SLFN5: variants seen among roughly 807,000 people sequenced by gnomAD.
The protein encoded by SLFN5 is schlafen family member 5.
In SLFN5, 34 loss-of-function variants were observed where a neutral mutation model predicts 48.5. The observed-to-expected ratio is 0.70, with a 90% CI of 0.53 to 0.93. SLFN5 has a LOEUF of 0.93. SLFN5 is among the 40% of genes least tolerant of loss of function. The pLI, the probability that SLFN5 is intolerant of heterozygous loss-of-function variation, is 0.00. For synonymous variants in SLFN5, 387 were observed against 396.2 expected, an observed-to-expected ratio of 0.98 and a Z score of 0.28; for missense variants, 1,006 against 1,071.3, an observed-to-expected ratio of 0.94 and a Z score of 0.85.
chr17:35,270,348 T>G lies in SLFN5; in HGVS notation c.*4460T>G, dbSNP rs747949955. The G allele has an allele frequency of 2.0e-5, 3 of 152,194 alleles. No individual in the cohort carries two copies. Among genetic ancestry groups the G allele is most frequent in the Non-Finnish European group, 2.9e-5 (2 of 68,032 alleles). 9.4% of individuals were successfully genotyped at this position (152,194 alleles called of 1,614,324 possible). On this transcript the variant is annotated 3_prime_UTR_variant, in exon 5 of 5. Coordinates refer to ENST00000299977, the MANE Select transcript of SLFN5 (RefSeq NM_144975.4). ...ATCGCCCTCTACTAAAACAAACTCATAGAAATAATGGGGAAGATATTTCAA... is the reference window on the plus strand; with the variant it reads ...ATCGCCCTCTACTAAAACAAACTCAGAGAAATAATGGGGAAGATATTTCAA...
At position 35,266,177 on chromosome 17, in the gene SLFN5, T is replaced by TGTGTGTGCGCGCGC. The variant is rs35160124; in HGVS notation, c.*290_*291insTGTGTGCGCGCGCG. ...GTGTGTGTGTGTGTGTGTGTGTGTG[T>TGTGTGTGCGCGCGC]GCGCGCGCGCACGTGCACATGTGTG... On this transcript the variant is annotated 3_prime_UTR_variant, in exon 5 of 5. Transcript: ENST00000299977. The TGTGTGTGCGCGCGC allele has an allele frequency of 3.2e-3, 552 of 173,372 alleles. 4 individuals are homozygous for TGTGTGTGCGCGCGC. Among genetic ancestry groups the TGTGTGTGCGCGCGC allele is most frequent in the African/African-American group, 0.012 (454 of 38,494 alleles). The allele number at this position is 173,372 out of a possible 1,614,324, so 10.7% of individuals were successfully genotyped here. A position where few individuals can be genotyped will look rare whatever the true frequency, so the allele number is the denominator to read the frequency against.
intron 3 of SLFN5, among the ~76,000 whole-genome samples, chr17:35,262,407 GA>G (rs1555591919): frequency 6.7e-6 from 1 of 148,440 alleles, no homozygotes; most frequent in East Asian, 2.0e-4. Flanking sequence ...AAAAGGAAAA[GA>G]AAAAAAAATT....
Position 35,273,034 on chromosome 17 carries a change from A to G in SLFN5, c.*7146A>G, listed in dbSNP as rs1490900936. ...GATTGAATTTCACTTTATTCCTAAG[A>G]GCAGAAGACTGCAAAATAGTAAATA... On this transcript the variant is annotated 3_prime_UTR_variant, in exon 5 of 5. Coordinates refer to ENST00000299977, the MANE Select transcript of SLFN5 (RefSeq NM_144975.4). 1 of 152,230 alleles carries G rather than the reference A, an allele frequency of 6.6e-6. No homozygotes were observed. The highest frequency in any genetic ancestry group is 2.4e-5 in the African/African-American group (1 of 41,462). 9.4% of individuals were successfully genotyped at this position (152,230 alleles called of 1,614,324 possible).
chr17:35,257,497 T>G (rs1399083067), intron 1 of SLFN5, among the ~76,000 whole-genome samples: 1 of 152,136 alleles, frequency 6.6e-6, no homozygotes, highest in Non-Finnish European at 1.5e-5. Flanking sequence ...TGTGTACTCA[T>G]GATTTATTAT....
At position 35,266,931 on chromosome 17, in the gene SLFN5, A is replaced by T. The variant is rs1355955212; in HGVS notation, c.*1043A>T. 1 of 152,232 alleles carries T rather than the reference A, an allele frequency of 6.6e-6. No homozygotes were observed. The highest frequency in any genetic ancestry group is 1.5e-5 in the Non-Finnish European group (1 of 68,040). 9.4% of individuals were successfully genotyped at this position (152,232 alleles called of 1,614,324 possible). On this transcript the variant is annotated 3_prime_UTR_variant, in exon 5 of 5. Transcript: ENST00000299977. ...AATCCATCTTTTCTGAGAGACAGAA[A>T]CTAAAAAATTCAGAGTTAATTCACT... is the stretch of plus-strand genomic sequence containing the variant.
At position 35,258,916 on chromosome 17, in the gene SLFN5, T is replaced by C. The variant is rs758624461; in HGVS notation, c.226T>C (p.Leu76=). The part of the protein sequence containing the change: ...GYNYERHGVG[L]DVPPIFRSHL... ...CAATTATGAACGTCATGGAGTAGGA[T>C]TGGATGTGCCTCCAATTTTCAGAAG... The change falls in exon 2 of 5, where the codon TTG becomes CTG. Residue 76 remains leucine (L), a synonymous_variant. Transcript: ENST00000299977. 1.7e-5 allele frequency: 28 copies of C among 1,614,052 alleles called. No individual in the cohort carries two copies. The Admixed American group carries it at 2.2e-4, about 12-fold the overall frequency.
rs1904436336 is a variant in SLFN5, at chr17:35,259,047, CAG to C, written c.365_366del (p.Arg122AsnfsTer26). On this transcript the variant is annotated frameshift_variant, in exon 2 of 5. Transcript: ENST00000299977. LOFTEE classifies it high-confidence loss of function. ...CTACCTTATGCTCCAATTTGTACCA[CAG>C]AGAGAGAACATCCACCGATGTCATG... ...LATLCSNLYH[R>X]ERTSTDVMDS... The C allele has an allele frequency of 6.2e-7, 1 of 1,614,072 alleles. No individual in the cohort carries two copies. The highest frequency in any genetic ancestry group is 1.7e-5 in the Admixed American group (1 of 60,004).
intron 1 of SLFN5, among the ~76,000 whole-genome samples, chr17:35,251,872 C>T (rs2092443416): frequency 6.6e-6 from 1 of 151,994 alleles, no homozygotes; most frequent in Non-Finnish European, 1.5e-5. Flanking sequence ...CACCACCACG[C>T]CCTGCTAATT....
rs762574342 is a variant in SLFN5 at position 35,259,238 on chromosome 17, A to G, written c.548A>G (p.Tyr183Cys). The G allele has an allele frequency of 1.2e-6, 2 of 1,614,034 alleles. No homozygotes were observed. Among genetic ancestry groups the G allele is most frequent in the African/African-American group, 1.3e-5 (1 of 74,938 alleles). The change falls in exon 2 of 5, where the codon TAT (tyrosine) becomes TGT (cysteine). Residue 183 changes from tyrosine to cysteine, a missense_variant. Physicochemically the swap from Tyr to Cys is radical, Grantham distance 194. Transcript: ENST00000299977. Reference protein sequence around the residue: ...AALFDRKRLQYLEKLNLPEST... With the variant: ...AALFDRKRLQCLEKLNLPEST... ...TTATTTGATAGAAAGCGGCTTCAGT[A>G]TCTGGAAAAACTCAACCTTCCTGAG... is the stretch of plus-strand genomic sequence containing the variant.
At chr17:35,250,932 G>T (rs547545783) in intron 1 of SLFN5, among the ~76,000 whole-genome samples, 24 of 152,318 alleles carry the variant, frequency 1.6e-4, no homozygotes, top group Admixed American at 2.6e-4. Context: ...CGAAGTTATT[G>T]TAAATCCCTC....
intron 1 of SLFN5, among the ~76,000 whole-genome samples, chr17:35,250,689 A>C (rs920256527): frequency 2.0e-5 from 3 of 152,104 alleles, no homozygotes; most frequent in East Asian, 1.9e-4. Context: ...AAAAGACATA[A>C]ATTTCCCTTG....
rs1466428502 is a variant in SLFN5 at position 35,264,698 on chromosome 17, G to T, written c.1654G>T (p.Val552Phe). Reference protein sequence around the residue: ...SFLSEELGSEVLNLLTNKQYE... With the variant: ...SFLSEELGSEFLNLLTNKQYE... The stretch of plus-strand genomic sequence containing the variant: ...CTTAAGTGAAGAGCTGGGCTCTGAG[G>T]TTTTGAACCTACTGACAAATAAACA... Residue 552 changes from valine to phenylalanine, a missense_variant, in exon 4 of 5, where the codon GTT (valine) becomes TTT (phenylalanine). Physicochemically the swap from Val to Phe is conservative, Grantham distance 50 (BLOSUM62 -1). Transcript: ENST00000299977. 1 of 1,609,216 alleles carries T rather than the reference G, an allele frequency of 6.2e-7. No homozygotes were observed. The highest frequency in any genetic ancestry group is 8.5e-7 in the Non-Finnish European group (1 of 1,178,586).
At chr17:35,261,910 G>A (rs560296343) in intron 3 of SLFN5, among the ~76,000 whole-genome samples, 5 of 139,698 alleles carry the variant, frequency 3.6e-5, no homozygotes, top group South Asian at 2.3e-4. Flanking sequence ...AACTTCTGAC[G>A]TCAGGTAATA....
chr17:35,261,123 G>T, intron 3 of SLFN5, 27 bp downstream of exon 3: 1 of 1,606,768 alleles, frequency 6.2e-7, no homozygotes. Context: ...GGTTGCTTTG[G>T]AATATGTTGA....
intron 2 of SLFN5, 26 bp downstream of exon 2, chr17:35,259,728 T>C: frequency 6.3e-7 from 1 of 1,592,804 alleles, no homozygotes; most frequent in African/African-American, 1.3e-5. Context: ...CCACAATGGT[T>C]GTAATGTTTG....
At chr17:35,245,895 G>A (rs1055372985) in intron 1 of SLFN5, among the ~76,000 whole-genome samples, 13 of 151,494 alleles carry the variant, frequency 8.6e-5, no homozygotes, top group South Asian at 6.3e-4. Context: ...GCAAGCGTAC[G>A]CAGAACTTCT....
chr17:35,261,579 G>A (rs1904520243), intron 3 of SLFN5, among the ~76,000 whole-genome samples: 1 of 152,036 alleles, frequency 6.6e-6, no homozygotes, highest in Admixed American at 6.5e-5. Context: ...GTGTTGCCCA[G>A]GTTGGTTTCA....
At chr17:35,250,576 C>T (rs886505252) in intron 1 of SLFN5, among the ~76,000 whole-genome samples, 2 of 151,112 alleles carry the variant, frequency 1.3e-5, no homozygotes, top group African/African-American at 4.9e-5. Context: ...AGGAGAATGG[C>T]GTGAACCCGG....
chr17:35,246,814 A>G (rs1248469479), intron 1 of SLFN5, among the ~76,000 whole-genome samples: 1 of 151,780 alleles, frequency 6.6e-6, no homozygotes, highest in African/African-American at 2.4e-5. Context: ...AAATAGCACC[A>G]CTGCACTCCA....
Sources: gnomAD v4.1 joint callset for allele counts (sites outside exome capture counted in the v4.1 genomes callset) on GRCh38, gnomAD v4.1.1 for gene constraint, MANE v1.5 for transcripts, NCBI Gene and HGNC (gene_info 2026-07-23, HGNC 2026-07-21) for gene names.